ZNF665: variants seen among roughly 807,000 people sequenced by gnomAD.
ZNF665 encodes the protein zinc finger protein 665.
A neutral mutation model predicts 7.9 loss-of-function variants in ZNF665; 6 were observed. The ratio of observed to expected loss-of-function variants is 0.76; its 90% CI spans 0.42 to 1.50. The LOEUF is 1.50. Ranked by LOEUF, ZNF665 falls within the 40% of genes most tolerant of loss-of-function variation. ZNF665 has a pLI of 0.01. For synonymous variants in ZNF665, 242 were observed against 274.5 expected, an observed-to-expected ratio of 0.88 and a Z score of 1.17; for missense variants, 819 against 806.7, an observed-to-expected ratio of 1.02 and a Z score of -0.18.
chr19:53,175,154 A>G (rs1428997546), intron 3 of ZNF665, among the ~76,000 whole-genome samples: 1 of 152,170 alleles, frequency 6.6e-6, no homozygotes, highest in Non-Finnish European at 1.5e-5. Context: ...GCTTTCTTCC[A>G]TGAACCACTC....
At position 53,183,828 on chromosome 19, in the gene ZNF665, G is replaced by A. The variant is rs1001734678; in HGVS notation, c.-45-885C>T. On this transcript the variant is annotated intron_variant, in intron 1 of 3. Coordinates refer to ENST00000396424, the MANE Select transcript of ZNF665 (RefSeq NM_024733.5). The stretch of plus-strand genomic sequence containing the variant: ...GGAGCAACTTGGGGACCCCGGAAAA[G>A]GAAAGGGGCCTGAGTGGCTGGAGCA... Among the ~76,000 whole-genome samples, 13 of 152,314 alleles carry A rather than the reference G, an allele frequency of 8.5e-5. 1 individual carries two copies. The highest frequency in any genetic ancestry group is 7.2e-4 in the Admixed American group (11 of 15,290).
intron 2 of ZNF665, among the ~76,000 whole-genome samples, chr19:53,176,891 G>C (rs1040088774): frequency 6.6e-6 from 1 of 152,172 alleles, no homozygotes; most frequent in African/African-American, 2.4e-5. Context: ...AGGCCAAGGC[G>C]GGTGGATCAC....
chr19:53,165,697 T>C lies in ZNF665; in HGVS notation c.793A>G (p.Asn265Asp), dbSNP rs79224520. 1,476 of 1,614,172 alleles carry C rather than the reference T, an allele frequency of 9.1e-4. 12 individuals are homozygous for C. The African/African-American group carries it at 0.017, about 19-fold the overall frequency. Residue 265 changes from asparagine (N) to aspartate (D), a missense_variant, in exon 4 of 4, where the codon AAT (asparagine) becomes GAT (aspartate). Coordinates refer to ENST00000396424, the MANE Select transcript of ZNF665 (RefSeq NM_024733.5). ...IHTGEKPYKC[N>D]ECGKAFRAHS... ...GCTCTAAAGGCTTTGCCACACTCAT[T>C]ACACTTGTAAGGTTTCTCTCCAGTA...
chr19:53,167,697 C>A (rs1195746037), intron 3 of ZNF665, among the ~76,000 whole-genome samples: 1 of 150,276 alleles, frequency 6.7e-6, no homozygotes, highest in African/African-American at 2.4e-5. Flanking sequence ...CCACCCACCT[C>A]AGCCTCCTAA....
chr19:53,184,937 A>C (rs904660216), intron 1 of ZNF665, among the ~76,000 whole-genome samples: 7 of 152,144 alleles, frequency 4.6e-5, no homozygotes, highest in East Asian at 2.0e-4. Flanking sequence ...AGAGAGGAGA[A>C]AGAGAGAAAC....
chr19:53,166,082 A>G lies in ZNF665; in HGVS notation c.408T>C (p.His136=). The part of the protein sequence containing the change: ...QRDRRAAGNR[H]IENQLGVSFQ... ...AGCTTACTCCAAGCTGATTTTCAATATGCCTGTTTCCTGCAGCCCTTCTAT... is the reference window on the plus strand; with the variant it reads ...AGCTTACTCCAAGCTGATTTTCAATGTGCCTGTTTCCTGCAGCCCTTCTAT... Residue 136 remains histidine (H), a synonymous_variant, in exon 4 of 4, where the codon CAT becomes CAC. Transcript: ENST00000396424. 9.9e-6 allele frequency: 16 copies of G among 1,614,112 alleles called. No individual in the cohort carries two copies. The highest frequency in any genetic ancestry group is 1.4e-5 in the Non-Finnish European group (16 of 1,179,972).
At chr19:53,178,162 C>CA (rs2090712134) in intron 2 of ZNF665, among the ~76,000 whole-genome samples, 1 of 152,194 alleles carries the variant, frequency 6.6e-6, no homozygotes, top group Non-Finnish European at 1.5e-5. Flanking sequence ...ACAAAGGAGT[C>CA]AATGTATCTG....
At chr19:53,166,709 T>C (rs62115530) in intron 3 of ZNF665, among the ~76,000 whole-genome samples, 76,018 of 152,076 alleles carry the variant, frequency 0.5, 22,406 homozygotes, top group South Asian at 0.71. Context: ...TCTTAGATTG[T>C]GCCTATTTAA....
chr19:53,185,510 T>C (rs2090771619), intron 1 of ZNF665, among the ~76,000 whole-genome samples: 1 of 152,118 alleles, frequency 6.6e-6, no homozygotes, highest in African/African-American at 2.4e-5. Context: ...GATATTCATA[T>C]ATAATCATAA....
In ZNF665 at chr19:53,175,582, A is replaced by G; in HGVS notation, c.16-11T>C. 2 of 1,589,760 alleles carry G rather than the reference A, an allele frequency of 1.3e-6. No individual in the cohort carries two copies. Among genetic ancestry groups the G allele is most frequent in the Non-Finnish European group, 1.7e-6 (2 of 1,172,932 alleles). On this transcript the variant is annotated splice_polypyrimidine_tract_variant and intron_variant, in intron 2 of 3. Coordinates refer to ENST00000396424, the MANE Select transcript of ZNF665 (RefSeq NM_024733.5). Reference sequence around the variant, plus strand: ...GAATGTCAACTGTCCCTAAAATGAAAAACACATTTCACCAAGTGACTATGA... The same window carrying G: ...GAATGTCAACTGTCCCTAAAATGAAGAACACATTTCACCAAGTGACTATGA...
chr19:53,192,343 T>G (rs905700206), intron 1 of ZNF665, among the ~76,000 whole-genome samples: 4 of 152,082 alleles, frequency 2.6e-5, no homozygotes, highest in African/African-American at 9.7e-5. Context: ...CAGCTGCCCC[T>G]TCTTGCTGTC....
chr19:53,164,388 T>C lies in ZNF665; in HGVS notation c.*65A>G. On this transcript the variant is annotated 3_prime_UTR_variant, in exon 4 of 4. Coordinates refer to ENST00000396424, the MANE Select transcript of ZNF665 (RefSeq NM_024733.5). ...CGAGACCTCAGGTGATCCCCCCGCC[T>C]CGGCCTCCCAAAGTGCTGGGATTAC... is the stretch of plus-strand genomic sequence containing the variant. 9 of 1,332,086 alleles carry C rather than the reference T, an allele frequency of 6.8e-6. No homozygotes were observed. Among genetic ancestry groups the C allele is most frequent in the South Asian group, 1.5e-5 (1 of 65,504 alleles). The allele number at this position is 1,332,086 out of a possible 1,614,324, so 82.5% of individuals were successfully genotyped here.
intron 1 of ZNF665, among the ~76,000 whole-genome samples, chr19:53,184,886 G>A (rs923181771): frequency 4.6e-5 from 7 of 151,650 alleles, no homozygotes; most frequent in African/African-American, 1.7e-4. Flanking sequence ...CGTGTCCACT[G>A]GACAGAGGGC....
rs1292785858 is a variant in ZNF665 at position 53,165,595 on chromosome 19, A to C, written c.895T>G (p.Phe299Val). The C allele has an allele frequency of 6.2e-7, 1 of 1,614,028 alleles. No homozygotes were observed. The highest frequency in any genetic ancestry group is 8.5e-7 in the Non-Finnish European group (1 of 1,180,030). The change falls in exon 4 of 4, where the codon TTC becomes GTC. Residue 299 changes from phenylalanine (F) to valine (V), a missense_variant. Transcript: ENST00000396424. ...PYKCKECGKC[F>V]TQNSHLASHR... Reference sequence around the variant, plus strand: ...CTTGCAAGGTGTGAATTTTGAGTGAAGCACTTGCCACATTCCTTACATTTG... The same window carrying C: ...CTTGCAAGGTGTGAATTTTGAGTGACGCACTTGCCACATTCCTTACATTTG...
intron 1 of ZNF665, among the ~76,000 whole-genome samples, chr19:53,183,417 T>G (rs1292340456): frequency 6.6e-6 from 1 of 152,168 alleles, no homozygotes; most frequent in East Asian, 1.9e-4. Flanking sequence ...GGGCTGCAAC[T>G]TATCTGAATG....
intron 3 of ZNF665, among the ~76,000 whole-genome samples, chr19:53,174,645 G>T (rs1221988042): frequency 6.6e-6 from 1 of 151,886 alleles, no homozygotes; most frequent in African/African-American, 2.4e-5. Context: ...TCCTGCTTAT[G>T]AGAAGAAAGA....
chr19:53,182,388 A>G, intron 2 of ZNF665: 1 of 355,726 alleles, frequency 2.8e-6, no homozygotes, highest in Non-Finnish European at 5.2e-6. Flanking sequence ...ACAACAAAAA[A>G]AAGGAGTTTG....
intron 1 of ZNF665, among the ~76,000 whole-genome samples, chr19:53,184,202 A>T (rs1216677785): frequency 3.9e-5 from 6 of 152,074 alleles, no homozygotes; most frequent in Non-Finnish European, 7.4e-5. Context: ...GTGAGCCAAG[A>T]TCACACCACT....
At chr19:53,166,474 C>A in intron 3 of ZNF665, 127 bp from the exon 4 acceptor site, 1 of 841,182 alleles carries the variant, frequency 1.2e-6, no homozygotes, top group Non-Finnish European at 1.7e-6. Flanking sequence ...TTCTTCAGAA[C>A]CATAATTTTC....
Sources: allele counts gnomAD v4.1 joint callset (sites outside exome capture counted in the v4.1 genomes callset), GRCh38; gene constraint gnomAD v4.1.1; transcripts MANE v1.5; gene names NCBI Gene and HGNC (gene_info 2026-07-23, HGNC 2026-07-21).